Variants in EXOC4 observed in about 807,000 individuals in gnomAD.
The protein encoded by EXOC4 is SEC8-like 1.
In EXOC4, 71 loss-of-function variants were observed where a neutral mutation model predicts 107.2. The observed-to-expected ratio is 0.66, with a 90% CI of 0.55 to 0.81. EXOC4 has a LOEUF of 0.81. Ranked by LOEUF, EXOC4 falls within the 30% of genes least tolerant of loss-of-function variation. The pLI is 0.00. For synonymous variants in EXOC4, 456 were observed against 441.2 expected, an observed-to-expected ratio of 1.03 and a Z score of -0.42; for missense variants, 1,108 against 1,189.6, an observed-to-expected ratio of 0.93 and a Z score of 1.01.
chr7:133,937,457 A>G (rs371693352), intron 13 of EXOC4, among the ~76,000 whole-genome samples: 4 of 152,218 alleles, frequency 2.6e-5, no homozygotes, highest in East Asian at 1.9e-4. Flanking sequence ...ACATTATTCA[A>G]TATTTTCTAG....
intron 10 of EXOC4, among the ~76,000 whole-genome samples, chr7:133,686,157 A>C (rs1794294058): frequency 6.6e-6 from 1 of 152,096 alleles, no homozygotes; most frequent in African/African-American, 2.4e-5. Flanking sequence ...GATGCTCAGC[A>C]CCACCTCATG....
At chr7:133,632,558 T>G (rs907039475) in intron 10 of EXOC4, among the ~76,000 whole-genome samples, 4 of 152,198 alleles carry the variant, frequency 2.6e-5, no homozygotes, top group Non-Finnish European at 5.9e-5. Context: ...GTTTTCACAC[T>G]TCAGCATTTC....
chr7:133,614,417 C>T (rs1370489725), intron 9 of EXOC4, among the ~76,000 whole-genome samples: 1 of 152,062 alleles, frequency 6.6e-6, no homozygotes, highest in African/African-American at 2.4e-5. Context: ...CAGTAAGGGA[C>T]TGCCTTTTAA....
intron 7 of EXOC4, among the ~76,000 whole-genome samples, chr7:133,379,504 C>A (rs1477065466): frequency 6.6e-6 from 1 of 152,002 alleles, no homozygotes; most frequent in Non-Finnish European, 1.5e-5. Flanking sequence ...ACAAATACAT[C>A]AGACATTTTT....
At chr7:133,277,386 T>G (rs1343874300) in intron 2 of EXOC4, among the ~76,000 whole-genome samples, 1 of 152,230 alleles carries the variant, frequency 6.6e-6, no homozygotes, top group Non-Finnish European at 1.5e-5. Context: ...TTCTGATTAG[T>G]CTGGTTGACT....
chr7:133,856,782 A>G (rs1335237619), intron 11 of EXOC4, among the ~76,000 whole-genome samples: 4 of 152,016 alleles, frequency 2.6e-5, no homozygotes, highest in Admixed American at 1.3e-4. Flanking sequence ...ATCTAAAGCC[A>G]TAAATGCAAT....
At position 133,475,452 on chromosome 7, in the gene EXOC4, G is replaced by A. The variant is rs541978257; in HGVS notation, c.1307G>A (p.Arg436Lys). ...AAFFAKKKPQ[R>K]PKNSLFKFES... Reference sequence around the variant, plus strand: ...TTTTTTGCCAAGAAGAAACCTCAAAGGCCAAAAAATTCTCTTTTCAAGTAA... The same window carrying A: ...TTTTTTGCCAAGAAGAAACCTCAAAAGCCAAAAAATTCTCTTTTCAAGTAA... Residue 436 changes from arginine (R) to lysine (K), a missense_variant, in exon 8 of 18, where the codon AGG (arginine) becomes AAG (lysine). Arg to Lys is a conservative substitution (Grantham distance 26, BLOSUM62 2). Transcript: ENST00000253861. The A allele has an allele frequency of 1.2e-6, 2 of 1,613,540 alleles. No homozygotes were observed. Among genetic ancestry groups the A allele is most frequent in the African/African-American group, 1.3e-5 (1 of 74,948 alleles).
At chr7:133,384,921 C>T (rs1257150270) in intron 7 of EXOC4, among the ~76,000 whole-genome samples, 1 of 151,938 alleles carries the variant, frequency 6.6e-6, no homozygotes, top group Non-Finnish European at 1.5e-5. Flanking sequence ...GGCTCCAATG[C>T]ACAGTGCTTC....
intron 17 of EXOC4, among the ~76,000 whole-genome samples, chr7:134,035,450 C>A (rs1795367346): frequency 6.6e-6 from 1 of 152,074 alleles, no homozygotes; most frequent in Non-Finnish European, 1.5e-5. Context: ...ATTTAAATTA[C>A]AAAGAACAGC....
chr7:133,564,346 C>T (rs1409556717), intron 9 of EXOC4, among the ~76,000 whole-genome samples: 1 of 152,096 alleles, frequency 6.6e-6, no homozygotes, highest in African/African-American at 2.4e-5. Flanking sequence ...TGAGAACTCA[C>T]TCACTATCAT....
chr7:133,448,757 G>A (rs1449505513), intron 7 of EXOC4, among the ~76,000 whole-genome samples: 1 of 152,150 alleles, frequency 6.6e-6, no homozygotes, highest in African/African-American at 2.4e-5. Context: ...ATTAAGGTGA[G>A]GTCATACTGA....
At chr7:133,876,048 A>G (rs1159823594) in intron 11 of EXOC4, among the ~76,000 whole-genome samples, 1 of 152,184 alleles carries the variant, frequency 6.6e-6, no homozygotes, top group East Asian at 1.9e-4. Context: ...TAAATATTGG[A>G]TGGATTCACA....
At chr7:133,397,210 A>G (rs1796989928) in intron 7 of EXOC4, among the ~76,000 whole-genome samples, 2 of 150,656 alleles carry the variant, frequency 1.3e-5, no homozygotes, top group African/African-American at 2.4e-5. Flanking sequence ...GCTCACCGCA[A>G]CTTCCACCTT....
intron 11 of EXOC4, among the ~76,000 whole-genome samples, chr7:133,875,641 C>A (rs1442416922): frequency 6.6e-6 from 1 of 152,154 alleles, no homozygotes; most frequent in Admixed American, 6.5e-5. Context: ...CCATCCTATC[C>A]ACTTGCTGAG....
At chr7:133,616,929 T>C (rs555284168) in intron 9 of EXOC4, among the ~76,000 whole-genome samples, 1 of 152,232 alleles carries the variant, frequency 6.6e-6, no homozygotes, top group East Asian at 1.9e-4. Flanking sequence ...GAAATCAAAA[T>C]TCATAGATTG....
chr7:133,491,070 A>G (rs1315840127), intron 9 of EXOC4, among the ~76,000 whole-genome samples: 1 of 152,186 alleles, frequency 6.6e-6, no homozygotes, highest in Non-Finnish European at 1.5e-5. Context: ...GAGATTGCAG[A>G]GCTCTGTGTG....
Position 133,937,958 on chromosome 7 carries a change from G to T in EXOC4, c.2095G>T (p.Asp699Tyr), listed in dbSNP as rs1800341741. ...NLGDKLIPPQ[D>Y]ILRDVSDLKA... ...GGGTGATAAATTAATCCCTCCACAA[G>T]ACATCCTTCGTGACGTCAGTGACCT... The change falls in exon 14 of 18, where the codon GAC (aspartate) becomes TAC (tyrosine). Residue 699 changes from aspartate (D) to tyrosine (Y), a missense_variant. Physicochemically the swap from Asp to Tyr is radical, Grantham distance 160 (BLOSUM62 -3). Transcript: ENST00000253861. 1.2e-6 allele frequency: 2 copies of T among 1,614,040 alleles called. No homozygotes were observed. Among genetic ancestry groups the T allele is most frequent in the African/African-American group, 2.7e-5 (2 of 74,902 alleles).
chr7:133,526,945 C>G (rs1158985772), intron 9 of EXOC4, among the ~76,000 whole-genome samples: 1 of 151,922 alleles, frequency 6.6e-6, no homozygotes, highest in African/African-American at 2.4e-5. Flanking sequence ...GCACTCCAGC[C>G]TGGCAACAGA....
In EXOC4 at chr7:133,575,544, A is replaced by G. The variant is rs983136703; in HGVS notation, c.1418-54501A>G. Among the ~76,000 whole-genome samples the G allele has an allele frequency of 5.3e-5, 8 of 152,342 alleles. No individual in the cohort carries two copies. The East Asian group carries it at 1.2e-3, about 22-fold the overall frequency. ...GATTTAAAAATTCTGCTATGATGGT[A>G]GGATAGGGTAATGGGACAATTCTAG... On this transcript the variant is annotated intron_variant, in intron 9 of 17. Coordinates refer to ENST00000253861, the MANE Select transcript of EXOC4 (RefSeq NM_021807.4).
Sources: allele counts gnomAD v4.1 joint callset (sites outside exome capture counted in the v4.1 genomes callset), GRCh38; gene constraint gnomAD v4.1.1; transcripts MANE v1.5; gene names NCBI Gene and HGNC (gene_info 2026-07-23, HGNC 2026-07-21).